ADGRL2: variants seen among roughly 807,000 people sequenced by gnomAD.
ADGRL2 encodes calcium-independent alpha-latrotoxin receptor 2.
ADGRL2 carries 44 observed loss-of-function variants against 157.4 expected under a neutral mutation model. The observed-to-expected ratio is 0.28, with a 90% CI of 0.22 to 0.36. The LOEUF (loss-of-function observed/expected upper bound fraction) is 0.36, where lower values mean the gene tolerates loss of function less well. ADGRL2 is among the 10% of genes least tolerant of loss of function. The pLI is 1.00. For missense variants in ADGRL2, 1,510 were observed against 1,768.9 expected, an observed-to-expected ratio of 0.85 and a Z score of 2.63; for synonymous variants, 585 against 624.7, an observed-to-expected ratio of 0.94 and a Z score of 0.95.
At chr1:81,449,869 G>T (rs1034020823) in intron 2 of ADGRL2, among the ~76,000 whole-genome samples, 3 of 152,152 alleles carry the variant, frequency 2.0e-5, no homozygotes, top group Non-Finnish European at 4.4e-5. Context: ...GGGATTACAG[G>T]CATGAGACAC....
At chr1:81,557,465 A>AAGAAAGAAAGAAAG in intron 2 of ADGRL2, 1 of 81,580 alleles carries the variant, frequency 1.2e-5, no homozygotes, top group African/African-American at 5.4e-5. Flanking sequence ...GAAAGAAAGA[A>AAGAAAGAAAGAAAG]AGAAGAAAGA....
At chr1:81,457,450 T>C (rs1443014192) in intron 2 of ADGRL2, among the ~76,000 whole-genome samples, 1 of 152,130 alleles carries the variant, frequency 6.6e-6, no homozygotes, top group African/African-American at 2.4e-5. Context: ...AAAATTTTTC[T>C]TTTCTTTTTT....
intron 2 of ADGRL2, among the ~76,000 whole-genome samples, chr1:81,839,316 G>T (rs575291918): frequency 6.6e-6 from 1 of 152,096 alleles, no homozygotes; most frequent in East Asian, 1.9e-4. Context: ...AAATTGAGCT[G>T]CATGCTTAGG....
intron 1 of ADGRL2, among the ~76,000 whole-genome samples, chr1:81,815,225 T>C (rs1571385148): frequency 6.6e-6 from 1 of 151,836 alleles, no homozygotes; most frequent in African/African-American, 2.4e-5. Flanking sequence ...GATACTGTTA[T>C]TTTGACCAAA....
chr1:81,778,291 C>T (rs2086674877), intron 2 of ADGRL2, among the ~76,000 whole-genome samples: 1 of 149,752 alleles, frequency 6.7e-6, no homozygotes, highest in African/African-American at 2.5e-5. Flanking sequence ...CACTGCACTC[C>T]AGCCTGGGCG....
chr1:81,313,216 A>T (rs1415981791), intron 1 of ADGRL2, among the ~76,000 whole-genome samples: 1 of 152,144 alleles, frequency 6.6e-6, no homozygotes, highest in African/African-American at 2.4e-5. Flanking sequence ...AAGAAAAGAG[A>T]TTTATGGGAC....
intron 1 of ADGRL2, among the ~76,000 whole-genome samples, chr1:81,729,450 A>G (rs2084648712): frequency 6.6e-6 from 1 of 152,238 alleles, no homozygotes; most frequent in African/African-American, 2.4e-5. Flanking sequence ...AAAATTAAAT[A>G]AATGAAAAGA....
At chr1:81,722,153 A>C (rs1024053838) in intron 1 of ADGRL2, 6 of 363,914 alleles carry the variant, frequency 1.6e-5, no homozygotes, top group Admixed American at 7.7e-5. Context: ...ATTAGCCGGG[A>C]GCGGTGGCAG....
At chr1:81,527,862 T>A (rs1239201958) in intron 2 of ADGRL2, among the ~76,000 whole-genome samples, 1 of 151,966 alleles carries the variant, frequency 6.6e-6, no homozygotes, top group African/African-American at 2.4e-5. Flanking sequence ...GGTCAGGAGA[T>A]CGAGACCATC....
At chr1:81,530,427 A>C (rs1305693237) in intron 2 of ADGRL2, among the ~76,000 whole-genome samples, 2 of 64,062 alleles carry the variant, frequency 3.1e-5, no homozygotes, top group Non-Finnish European at 5.5e-5. Context: ...GCTCACTGCA[A>C]CCTCCACCTC....
At chr1:81,846,085 T>G (rs538378551) in intron 2 of ADGRL2, among the ~76,000 whole-genome samples, 47 of 152,080 alleles carry the variant, frequency 3.1e-4, no homozygotes, top group South Asian at 1.7e-3. Flanking sequence ...ATCACTTAAT[T>G]TAAAATCAAG....
intron 2 of ADGRL2, among the ~76,000 whole-genome samples, chr1:81,901,008 C>T (rs2094475616): frequency 1.3e-5 from 2 of 152,178 alleles, no homozygotes. Flanking sequence ...ATATTAAATA[C>T]AGCTGAGGTA....
At chr1:81,519,265 T>C (rs17106621) in intron 2 of ADGRL2, among the ~76,000 whole-genome samples, 2,540 of 152,320 alleles carry the variant, frequency 0.017, 38 homozygotes, top group East Asian at 0.051. Flanking sequence ...GTATTCCTGA[T>C]TCCCAAAAGC....
chr1:81,987,135 T>C (rs991235557), intron 22 of ADGRL2, 106 bp downstream of exon 22: 1 of 1,416,998 alleles, frequency 7.1e-7, no homozygotes, highest in Non-Finnish European at 9.6e-7. Context: ...TATTGTTACA[T>C]TCTTAATTTC....
intron 1 of ADGRL2, among the ~76,000 whole-genome samples, chr1:81,325,385 A>G (rs1172507523): frequency 6.6e-6 from 1 of 152,130 alleles, no homozygotes; most frequent in African/African-American, 2.4e-5. Flanking sequence ...TTTCAACACT[A>G]TTGTGTTGAA....
At chr1:81,619,336 G>T (rs1367152957) in intron 3 of ADGRL2, among the ~76,000 whole-genome samples, 2 of 150,706 alleles carry the variant, frequency 1.3e-5, no homozygotes. Flanking sequence ...GTACCTCATT[G>T]CCCTGGGCAC....
rs1276383221 is a variant in ADGRL2, at chr1:81,831,839, A to C, written c.-100-5046A>C. On this transcript the variant is annotated intron_variant, in intron 1 of 23. Transcript: ENST00000686636. The stretch of plus-strand genomic sequence containing the variant: ...CAACATATGTAATAGGTGCTCAGTA[A>C]ATATTTGTTGAAGGAATAATTTGGT... Among the ~76,000 whole-genome samples the C allele has an allele frequency of 1.3e-5, 2 of 152,038 alleles. 1 individual carries two copies. Among genetic ancestry groups the C allele is most frequent in the Non-Finnish European group, 2.9e-5 (2 of 68,018 alleles).
intron 2 of ADGRL2, among the ~76,000 whole-genome samples, chr1:81,491,025 T>C (rs1027110410): frequency 7.2e-5 from 11 of 152,334 alleles, no homozygotes; most frequent in African/African-American, 2.2e-4. Context: ...ACCCACTAGA[T>C]GCCAATAGCA....
At chr1:81,606,286 T>G (rs2081430660) in intron 3 of ADGRL2, among the ~76,000 whole-genome samples, 1 of 152,220 alleles carries the variant, frequency 6.6e-6, no homozygotes, top group Non-Finnish European at 1.5e-5. Context: ...AGCAACAAAC[T>G]ACACCCAAAA....
Sources: gnomAD v4.1 joint callset for allele counts (sites outside exome capture counted in the v4.1 genomes callset) on GRCh38, gnomAD v4.1.1 for gene constraint, MANE v1.5 for transcripts, NCBI Gene and HGNC (gene_info 2026-07-23, HGNC 2026-07-21) for gene names.